Variants in MGAM observed in about 807,000 individuals in gnomAD.
MGAM encodes the protein maltase-glucoamylase.
MGAM carries 253 observed loss-of-function variants against 358.8 expected under a neutral mutation model. The observed-to-expected ratio is 0.71, with a 90% CI of 0.64 to 0.78. The LOEUF (loss-of-function observed/expected upper bound fraction) is 0.78. Among genes scored for constraint, MGAM ranks in the 30% least tolerant of loss-of-function variants. MGAM has a pLI of 0.00. For missense variants in MGAM, 3,080 were observed against 3,432.6 expected (o/e 0.90, Z 2.57); for synonymous variants, 1,105 against 1,227.1 (o/e 0.90, Z 2.08).
At position 142,091,977 on chromosome 7, in the gene MGAM, G is replaced by A; in HGVS notation, c.6875G>A (p.Arg2292Lys). 2 of 1,540,282 alleles carry A rather than the reference G, an allele frequency of 1.3e-6. No individual in the cohort carries two copies. The highest frequency in any genetic ancestry group is 2.7e-5 in the African/African-American group (2 of 74,480). The change falls in exon 58 of 71, where the codon AGG becomes AAG. Residue 2292 changes from arginine to lysine, a missense_variant. By Grantham distance (26) the Arg-to-Lys change is conservative. Transcript: ENST00000475668. ...AATTCAACTGCCAAGTGGTGGAAGA[G>A]GGAAATAGAAGAACTATACAACAAT... ...FRNSTAKWWKREIEELYNNPQ... is the reference protein window; with the variant it reads ...FRNSTAKWWKKEIEELYNNPQ...
chr7:142,027,163 G>T lies in MGAM; in HGVS notation c.1031G>T (p.Gly344Val). Residue 344 changes from glycine (G) to valine (V), a missense_variant, in exon 9 of 71, where the codon GGC (glycine) becomes GTC (valine). Physicochemically the swap from Gly to Val is moderately radical, Grantham distance 109. Around this residue, in one of 5 missense-constraint regions of MGAM, gnomAD observed 1,816 missense variants for 1,840.5 expected, o/e 0.99. Transcript: ENST00000475668. The stretch of plus-strand genomic sequence containing the variant: ...GCCATCACTTACCGCACCATTGGGG[G>T]CATTCTCGACTTCTATGTGTTCTTG... Reference protein sequence around the residue: ...APAITYRTIGGILDFYVFLGN... With the variant: ...APAITYRTIGVILDFYVFLGN... 1 of 1,613,672 alleles carries T rather than the reference G, an allele frequency of 6.2e-7. No individual in the cohort carries two copies. Among genetic ancestry groups the T allele is most frequent in the Non-Finnish European group, 8.5e-7 (1 of 1,179,650 alleles).
intron 45 of MGAM, 76 bp downstream of exon 45, chr7:142,074,249 T>C: frequency 9.5e-7 from 1 of 1,057,150 alleles, no homozygotes; most frequent in Non-Finnish European, 1.4e-6. Flanking sequence ...CTGCTGGTCA[T>C]TCAGCTGTGG....
At chr7:142,095,177 C>G (rs143266249) in intron 63 of MGAM, among the ~76,000 whole-genome samples, 2 of 152,202 alleles carry the variant, frequency 1.3e-5, no homozygotes, top group Non-Finnish European at 2.9e-5. Flanking sequence ...ATTTCCCAAG[C>G]TTGTCTCGAA....
intron 1 of MGAM, among the ~76,000 whole-genome samples, chr7:141,999,967 A>G (rs529939442): frequency 1.5e-4 from 23 of 152,298 alleles, no homozygotes; most frequent in African/African-American, 5.5e-4. Flanking sequence ...TTATTGTTCC[A>G]TAGAGCAAGT....
In MGAM at chr7:142,094,821, C is replaced by T. The variant is rs1815747602; in HGVS notation, c.7416C>T (p.Ala2472=). The change falls in exon 63 of 71, where the codon GCC becomes GCT. Residue 2472 remains alanine (A), a synonymous_variant. Transcript: ENST00000475668. The stretch of plus-strand genomic sequence containing the variant: ...GTGTTCGCTGGATGCAGCTGGGGGC[C>T]TTTTACCCCTTCTCAAGAAACCACA... ...EMCVRWMQLG[A]FYPFSRNHNT... The T allele has an allele frequency of 1.2e-6, 2 of 1,613,918 alleles. No homozygotes were observed. The highest frequency in any genetic ancestry group is 1.7e-6 in the Non-Finnish European group (2 of 1,179,860).
At chr7:142,058,787 C>G (rs997754612) in intron 31 of MGAM, among the ~76,000 whole-genome samples, 6 of 152,208 alleles carry the variant, frequency 3.9e-5, no homozygotes, top group African/African-American at 1.4e-4. Context: ...TAAACAGATC[C>G]TGGGATGGGT....
At chr7:142,006,519 T>C (rs1554452482) in intron 2 of MGAM, among the ~76,000 whole-genome samples, 1 of 152,156 alleles carries the variant, frequency 6.6e-6, no homozygotes, top group South Asian at 2.1e-4. Context: ...TGACCTTTGC[T>C]CTTGACTGGT....
rs1469704811 is a variant in MGAM, at chr7:142,044,743, C to T, written c.2499-3042C>T. On this transcript the variant is annotated intron_variant, in intron 21 of 70. Transcript: ENST00000475668. ...TGATGTATAATGAATATTATATACA[C>T]GTGTAATATATGATATATAATGTAT... Among the ~76,000 whole-genome samples the T allele has an allele frequency of 2.2e-5, 2 of 91,198 alleles. 1 individual carries two copies. Among genetic ancestry groups the T allele is most frequent in the Non-Finnish European group, 4.1e-5 (2 of 48,290 alleles). 59.8% of individuals were successfully genotyped at this position (91,198 alleles called of 152,430 possible). A position where few individuals can be genotyped will look rare whatever the true frequency, so the allele number is the denominator to read the frequency against.
At position 142,079,840 on chromosome 7, in the gene MGAM, C is replaced by A. The variant is rs1478987325; in HGVS notation, c.5847+832C>A. 2.7e-5 allele frequency among the ~76,000 whole-genome samples: 4 copies of A among 146,260 alleles called. 1 individual carries two copies. In the East Asian group the frequency reaches 6.0e-4, roughly 22 times the overall value. On this transcript the variant is annotated intron_variant, in intron 49 of 70. Coordinates refer to ENST00000475668, the MANE Select transcript of MGAM (RefSeq NM_001365693.1). Reference sequence around the variant, plus strand: ...ACCCGAATTCTGAGTTTTTGTACATCGTCTAATGCAGGGATGATGCTGTTG... The same window carrying A: ...ACCCGAATTCTGAGTTTTTGTACATAGTCTAATGCAGGGATGATGCTGTTG...
In MGAM at chr7:142,090,296, A is replaced by G. The variant is rs554790747; in HGVS notation, c.6811-1617A>G. ...TGGCCAAGTTCACCACGTGTACCCC[A>G]TATGGGATACAATTCTGACTCAGCT... is the stretch of plus-strand genomic sequence containing the variant. On this transcript the variant is annotated intron_variant, in intron 57 of 70. Coordinates refer to ENST00000475668, the MANE Select transcript of MGAM (RefSeq NM_001365693.1). Among the ~76,000 whole-genome samples the G allele has an allele frequency of 4.7e-4, 69 of 145,904 alleles. 2 individuals carry two copies. Among genetic ancestry groups the G allele is most frequent in the East Asian group, 1.2e-3 (6 of 4,960 alleles).
At chr7:142,054,983 T>C (rs1345574183) in intron 27 of MGAM, 75 bp downstream of exon 27, 3 of 1,480,500 alleles carry the variant, frequency 2.0e-6, no homozygotes, top group Non-Finnish European at 2.8e-6. Flanking sequence ...TCCTTGGATG[T>C]ATCCTGGTTC....
At chr7:142,028,407 C>T (rs1427676555) in intron 10 of MGAM, among the ~76,000 whole-genome samples, 1 of 152,106 alleles carries the variant, frequency 6.6e-6, no homozygotes, top group Non-Finnish European at 1.5e-5. Context: ...AATTATATTG[C>T]TAGAACAACC....
intron 3 of MGAM, among the ~76,000 whole-genome samples, chr7:142,009,825 G>A (rs1297952854): frequency 1.3e-5 from 2 of 152,206 alleles, no homozygotes; most frequent in African/African-American, 4.8e-5. Flanking sequence ...AATCCTGAGA[G>A]CGGTATGCTG....
At chr7:142,065,014 T>A (rs1285624379) in intron 37 of MGAM, among the ~76,000 whole-genome samples, 1 of 152,236 alleles carries the variant, frequency 6.6e-6, no homozygotes, top group Non-Finnish European at 1.5e-5. Context: ...GAGGATCTTA[T>A]AACCTTCACT....
chr7:142,079,155 G>A (rs1191396788), intron 49 of MGAM, 147 bp downstream of exon 49: 2 of 799,330 alleles, frequency 2.5e-6, no homozygotes, highest in East Asian at 2.8e-5. Context: ...AATCATTGAG[G>A]GAACAATGAG....
chr7:142,062,744 A>G, intron 35 of MGAM, 42 bp downstream of exon 35: 1 of 1,610,884 alleles, frequency 6.2e-7, no homozygotes, highest in Non-Finnish European at 8.5e-7. Flanking sequence ...GCTCTTGTCT[A>G]TCTTTGTGTG....
At chr7:142,096,779 T>G (rs1177178833) in intron 65 of MGAM, among the ~76,000 whole-genome samples, 2 of 152,228 alleles carry the variant, frequency 1.3e-5, no homozygotes, top group African/African-American at 4.8e-5. Context: ...TCAGAAGGAT[T>G]GCTTGGCAAT....
rs368544175 is a variant in MGAM at position 142,022,304 on chromosome 7, C to G, written c.747C>G (p.Asp249Glu). 1 of 1,612,414 alleles carries G rather than the reference C, an allele frequency of 6.2e-7. No homozygotes were observed. The highest frequency in any genetic ancestry group is 1.3e-5 in the African/African-American group (1 of 74,848). Reference sequence around the variant, plus strand: ...GCATTGGGCCCCTACTGTTTGCTGACCAGTTCTTGCAGCTCTCCACTCGAC... The same window carrying G: ...GCATTGGGCCCCTACTGTTTGCTGAGCAGTTCTTGCAGCTCTCCACTCGAC... The part of the protein sequence containing the change: ...DSSIGPLLFA[D>E]QFLQLSTRLP... Residue 249 changes from aspartate to glutamate, a missense_variant, in exon 7 of 71, where the codon GAC becomes GAG. Around this residue, in one of 5 missense-constraint regions of MGAM, gnomAD observed 1,816 missense variants for 1,840.5 expected, o/e 0.99. Coordinates refer to ENST00000475668, the MANE Select transcript of MGAM (RefSeq NM_001365693.1).
intron 50 of MGAM, among the ~76,000 whole-genome samples, chr7:142,081,641 A>G (rs1251895010): frequency 6.8e-6 from 1 of 146,156 alleles, no homozygotes; most frequent in Non-Finnish European, 1.6e-5. Flanking sequence ...AGATGTTTGC[A>G]TGAGAAGCCA....
Sources: gnomAD v4.1 joint callset for allele counts (sites outside exome capture counted in the v4.1 genomes callset) on GRCh38, gnomAD v4.1.1 for gene constraint, gnomAD v4.1.1 regional missense constraint, MANE v1.5 for transcripts, NCBI Gene and HGNC (gene_info 2026-07-23, HGNC 2026-07-21) for gene names.